Variants in STK39 observed in about 807,000 individuals in gnomAD.
STK39 encodes serine/threonine kinase 39.
A neutral mutation model predicts 77.8 loss-of-function variants in STK39; 20 were observed. That is an observed-to-expected ratio of 0.26 (90% CI 0.18 to 0.37). STK39 has a LOEUF of 0.37. STK39 is among the 10% of genes least tolerant of loss of function. The probability of loss-of-function intolerance (pLI) is 1.00; values close to 1 mark genes in which losing one functional copy is unlikely to be tolerated. For missense variants in STK39, 479 were observed against 656.5 expected (o/e 0.73, Z 2.95); for synonymous variants, 246 against 234.1 (o/e 1.05, Z -0.47).
At position 168,143,588 on chromosome 2, in the gene STK39, C is replaced by T. The variant is rs118014044; in HGVS notation, c.629-2830G>A. 1.6e-3 allele frequency among the ~76,000 whole-genome samples: 243 copies of T among 152,300 alleles called. 9 individuals carry two copies. The East Asian group carries it at 0.039, about 24-fold the overall frequency. On this transcript the variant is annotated intron_variant, in intron 5 of 17. Transcript: ENST00000355999. ...AATCAGCTGGGCCTGGTGGCACGCGCCTGTAGTCCCAGCAACTCTGGAGGC... is the reference window on the plus strand; with the variant it reads ...AATCAGCTGGGCCTGGTGGCACGCGTCTGTAGTCCCAGCAACTCTGGAGGC...
chr2:168,056,735 T>A (rs1215247639), intron 14 of STK39, among the ~76,000 whole-genome samples: 1 of 152,194 alleles, frequency 6.6e-6, no homozygotes, highest in Non-Finnish European at 1.5e-5. Context: ...TGCATTCACA[T>A]ATATCAGAGT....
At chr2:168,108,859 C>T (rs1019787165) in intron 10 of STK39, among the ~76,000 whole-genome samples, 1 of 152,230 alleles carries the variant, frequency 6.6e-6, no homozygotes, top group African/African-American at 2.4e-5. Context: ...AACCATCACA[C>T]TTCATGCTTT....
chr2:168,186,102 A>C (rs1379231459), intron 1 of STK39, among the ~76,000 whole-genome samples: 2 of 152,316 alleles, frequency 1.3e-5, no homozygotes, highest in East Asian at 3.9e-4. Context: ...TAAAGGTTAA[A>C]TGAGGTCATC....
intron 14 of STK39, among the ~76,000 whole-genome samples, chr2:168,024,195 C>T (rs757868023): frequency 2.0e-5 from 3 of 152,190 alleles, no homozygotes; most frequent in Non-Finnish European, 2.9e-5. Context: ...TCCCAGTGAG[C>T]TGGGCAGATA....
chr2:168,131,229 A>G (rs1687688472), intron 8 of STK39, among the ~76,000 whole-genome samples: 1 of 152,236 alleles, frequency 6.6e-6, no homozygotes, highest in Non-Finnish European at 1.5e-5. Flanking sequence ...GTGATGGTAT[A>G]GAAGTAAACA....
At chr2:168,246,744 G>T in intron 1 of STK39, among the ~76,000 whole-genome samples, 1 of 152,158 alleles carries the variant, frequency 6.6e-6, no homozygotes, top group East Asian at 1.9e-4. Context: ...AGAGGGTCAC[G>T]ACGGGAGGCA....
intron 5 of STK39, among the ~76,000 whole-genome samples, chr2:168,155,969 T>C (rs1688416893): frequency 6.6e-6 from 1 of 152,188 alleles, no homozygotes; most frequent in Admixed American, 6.5e-5. Flanking sequence ...ACCTGCCATG[T>C]ATCAGGTACC....
intron 16 of STK39, among the ~76,000 whole-genome samples, chr2:168,007,661 G>C (rs552579713): frequency 1.3e-5 from 2 of 152,136 alleles, no homozygotes; most frequent in Non-Finnish European, 2.9e-5. Flanking sequence ...TAAGCACCAG[G>C]GGGTGGGCAT....
chr2:168,054,308 A>T (rs1003248835), intron 14 of STK39, among the ~76,000 whole-genome samples: 5 of 152,234 alleles, frequency 3.3e-5, no homozygotes, highest in Non-Finnish European at 7.3e-5. Context: ...GCTTCTTGTG[A>T]GCTTTACGGT....
At chr2:168,172,877 T>C (rs912753503) in intron 2 of STK39, among the ~76,000 whole-genome samples, 1 of 152,210 alleles carries the variant, frequency 6.6e-6, no homozygotes, top group Non-Finnish European at 1.5e-5. Flanking sequence ...CTTCTAACTT[T>C]ATTCTAAAGC....
intron 10 of STK39, among the ~76,000 whole-genome samples, chr2:168,097,748 A>T (rs1686709150): frequency 6.6e-6 from 1 of 152,340 alleles, no homozygotes; most frequent in South Asian, 2.1e-4. Context: ...ACAAAAAAAA[A>T]AAAAAGAAGA....
intron 16 of STK39, among the ~76,000 whole-genome samples, chr2:168,003,850 T>A (rs1684060007): frequency 6.6e-6 from 1 of 152,240 alleles, no homozygotes; most frequent in African/African-American, 2.4e-5. Flanking sequence ...ACTATTTTAA[T>A]AATGAATGCT....
chr2:167,977,694 G>A (rs1683315996), intron 16 of STK39, among the ~76,000 whole-genome samples: 2 of 152,042 alleles, frequency 1.3e-5, no homozygotes, highest in African/African-American at 4.8e-5. Flanking sequence ...TTTCAGTCTT[G>A]GAACCCTCTG....
intron 14 of STK39, among the ~76,000 whole-genome samples, chr2:168,023,580 C>A (rs1476193065): frequency 1.3e-5 from 2 of 152,134 alleles, no homozygotes; most frequent in Admixed American, 1.3e-4. Context: ...AGCCAAAATG[C>A]CAGCTCAGAA....
chr2:168,114,524 T>C (rs778238806), intron 10 of STK39, among the ~76,000 whole-genome samples: 19 of 152,128 alleles, frequency 1.2e-4, no homozygotes, highest in Non-Finnish European at 2.6e-4. Flanking sequence ...GGTGGGGAAA[T>C]CGAGGCTCAG....
At chr2:167,960,456 G>GT (rs5836163) in intron 17 of STK39, among the ~76,000 whole-genome samples, 152,280 of 152,280 alleles carry the variant, frequency 1, 76,140 homozygotes, top group Non-Finnish European at 1. Context: ...CTGTTAATCT[G>GT]TTTATGTCGG....
chr2:168,231,239 T>C (rs1472672360), intron 1 of STK39, among the ~76,000 whole-genome samples: 2 of 152,194 alleles, frequency 1.3e-5, no homozygotes, highest in Non-Finnish European at 2.9e-5. Context: ...TTTGGAAGTA[T>C]TTTAAAAGCA....
chr2:167,975,527 G>GGGC (rs1194822867), intron 16 of STK39, among the ~76,000 whole-genome samples: 1 of 152,144 alleles, frequency 6.6e-6, no homozygotes, highest in East Asian at 1.9e-4. Context: ...GCAAAAGGTG[G>GGGC]ACTGTAGGCC....
At chr2:168,217,129 G>C (rs1690044263) in intron 1 of STK39, among the ~76,000 whole-genome samples, 1 of 152,174 alleles carries the variant, frequency 6.6e-6, no homozygotes, top group African/African-American at 2.4e-5. Flanking sequence ...TTTCTCTGCA[G>C]CTCTACCTGT....
Sources: gnomAD v4.1 joint callset for allele counts (sites outside exome capture counted in the v4.1 genomes callset) on GRCh38, gnomAD v4.1.1 for gene constraint, MANE v1.5 for transcripts, NCBI Gene and HGNC (gene_info 2026-07-23, HGNC 2026-07-21) for gene names.